The following SH3GL3 variants were observed in gnomAD, a reference collection of about 807,000 sequenced individuals.
SH3GL3 encodes SH3 domain containing GRB2 like 3, endophilin A3.
SH3GL3 carries 33 observed loss-of-function variants against 47.7 expected under a neutral mutation model. The ratio of observed to expected loss-of-function variants is 0.69; its 90% CI spans 0.52 to 0.92. The LOEUF (loss-of-function observed/expected upper bound fraction) is 0.92, where lower values mean the gene tolerates loss of function less well. Among genes scored for constraint, SH3GL3 ranks in the 40% least tolerant of loss-of-function variants. SH3GL3 has a pLI of 0.00. For synonymous variants in SH3GL3, 155 were observed against 148.8 expected (o/e 1.04, Z -0.30); for missense variants, 363 against 417.8 (o/e 0.87, Z 1.14).
chr15:83,510,996 G>T (rs761889482), intron 1 of SH3GL3, among the ~76,000 whole-genome samples: 23 of 151,552 alleles, frequency 1.5e-4, no homozygotes, highest in Non-Finnish European at 2.8e-4. Flanking sequence ...CTGTTGTGGG[G>T]TGGGGAGAGG....
intron 1 of SH3GL3, among the ~76,000 whole-genome samples, chr15:83,532,904 T>A (rs956158404): frequency 2.6e-5 from 4 of 152,198 alleles, no homozygotes; most frequent in African/African-American, 9.7e-5. Context: ...AATCCCCACC[T>A]GCAGCTAACT....
intron 1 of SH3GL3, among the ~76,000 whole-genome samples, chr15:83,532,505 T>A (rs1346364484): frequency 6.6e-6 from 1 of 152,162 alleles, no homozygotes; most frequent in Non-Finnish European, 1.5e-5. Context: ...GGACAGTAGA[T>A]TTAGAATGTC....
intron 1 of SH3GL3, among the ~76,000 whole-genome samples, chr15:83,482,273 C>G (rs1246718904): frequency 6.6e-6 from 1 of 151,924 alleles, no homozygotes; most frequent in Non-Finnish European, 1.5e-5. Context: ...TTAGCTGATC[C>G]TTTGTGGTTG....
chr15:83,483,792 G>T (rs1390720745), intron 1 of SH3GL3, among the ~76,000 whole-genome samples: 1 of 152,178 alleles, frequency 6.6e-6, no homozygotes, highest in East Asian at 1.9e-4. Context: ...ATGTCCTACT[G>T]TGTGTGCCAG....
chr15:83,633,239 A>G, the SH3GL3 span, among the ~76,000 whole-genome samples: 1 of 152,246 alleles, frequency 6.6e-6, no homozygotes, highest in African/African-American at 2.4e-5. Flanking sequence ...GAGAGAACAT[A>G]GTAAGAAATT....
chr15:83,511,284 A>G (rs954765149), intron 1 of SH3GL3, among the ~76,000 whole-genome samples: 6 of 152,186 alleles, frequency 3.9e-5, no homozygotes, highest in African/African-American at 1.4e-4. Context: ...GCAGGACTAC[A>G]GGCAGAAGTA....
chr15:83,577,279 G>A (rs2059708162), intron 6 of SH3GL3, among the ~76,000 whole-genome samples: 1 of 152,180 alleles, frequency 6.6e-6, no homozygotes, highest in Non-Finnish European at 1.5e-5. Flanking sequence ...TGGGCCACAT[G>A]TGGCTTGTGG....
At chr15:83,611,026 ATG>A (rs1397998501) in intron 8 of SH3GL3, among the ~76,000 whole-genome samples, 1 of 150,864 alleles carries the variant, frequency 6.6e-6, no homozygotes, top group African/African-American at 2.4e-5. Context: ...GTATAAATGT[ATG>A]TGTGTGTGTC....
At chr15:83,541,310 C>CAATTTTTTTTTTTTTTTTTTTTTTTT (rs1567318555) in intron 1 of SH3GL3, among the ~76,000 whole-genome samples, 1 of 47,750 alleles carries the variant, frequency 2.1e-5, no homozygotes, top group African/African-American at 6.5e-5. Flanking sequence ...TATGGTAATT[C>CAATTTTTTTTTTTTTTTTTTTTTTTT]TATTTTTTTT....
At position 83,488,590 on chromosome 15, in the gene SH3GL3, A is replaced by G. The variant is rs569458298; in HGVS notation, c.45+41012A>G. ...GACACACTTTACTTTCATGCGGGGG[A>G]AAACTCTCCTATCCTGAATTGGTTA... On this transcript the variant is annotated intron_variant, in intron 1 of 8. Transcript: ENST00000427482. Among the ~76,000 whole-genome samples the G allele has an allele frequency of 7.2e-5, 11 of 152,274 alleles. No homozygotes were observed. In the South Asian group the frequency reaches 2.3e-3, roughly 32 times the overall value.
chr15:83,542,886 A>G (rs893443783), intron 1 of SH3GL3, among the ~76,000 whole-genome samples: 1 of 152,092 alleles, frequency 6.6e-6, no homozygotes, highest in Non-Finnish European at 1.5e-5. Context: ...GATTTTTCCA[A>G]ATATAAGATC....
chr15:83,495,943 A>T (rs2042058418), intron 1 of SH3GL3, among the ~76,000 whole-genome samples: 1 of 151,724 alleles, frequency 6.6e-6, no homozygotes, highest in African/African-American at 2.4e-5. Context: ...TGCTCCCATG[A>T]TACATAGTCA....
At position 83,568,582 on chromosome 15, in the gene SH3GL3, G is replaced by A. The variant is rs764980950; in HGVS notation, c.241G>A (p.Val81Met). The A allele has an allele frequency of 8.7e-6, 14 of 1,613,478 alleles. No individual in the cohort carries two copies. The Admixed American group carries it at 2.0e-4, about 23-fold the overall frequency. ...LNTVSKIRGQ[V>M]KTTGYPQTEG... ...CACTGTGTCGAAGATCCGAGGGCAGGTGAAGACCACAGGATACCCGCAGAC... is the reference window on the plus strand; with the variant it reads ...CACTGTGTCGAAGATCCGAGGGCAGATGAAGACCACAGGATACCCGCAGAC... Residue 81 changes from valine to methionine, a missense_variant, in exon 4 of 9, where the codon GTG becomes ATG. Physicochemically the swap from Val to Met is conservative, Grantham distance 21. Transcript: ENST00000427482.
intron 1 of SH3GL3, among the ~76,000 whole-genome samples, chr15:83,473,769 G>C (rs1362433511): frequency 7.9e-5 from 12 of 151,220 alleles, no homozygotes; most frequent in Non-Finnish European, 1.5e-4. Context: ...GGATGGTCTC[G>C]ATCTCCTGAC....
intron 8 of SH3GL3, among the ~76,000 whole-genome samples, chr15:83,598,992 G>T (rs981201832): frequency 2.6e-5 from 4 of 152,134 alleles, no homozygotes; most frequent in African/African-American, 4.8e-5. Flanking sequence ...AGGATACTTA[G>T]GTACAATTCT....
chr15:83,588,108 CTTTTGTTTTG>C (rs199974305), intron 7 of SH3GL3, among the ~76,000 whole-genome samples: 3 of 152,064 alleles, frequency 2.0e-5, no homozygotes, highest in Non-Finnish European at 2.9e-5. Flanking sequence ...GAAAATTAGT[CTTTTGTTTTG>C]TTTTGTTTTG....
chr15:83,507,432 T>G (rs956432673), intron 1 of SH3GL3, among the ~76,000 whole-genome samples: 1 of 152,040 alleles, frequency 6.6e-6, no homozygotes, highest in Non-Finnish European at 1.5e-5. Flanking sequence ...TATTTTTTTT[T>G]TGAGAGAGAG....
At chr15:83,502,823 C>T (rs1425449778) in intron 1 of SH3GL3, among the ~76,000 whole-genome samples, 2 of 152,156 alleles carry the variant, frequency 1.3e-5, no homozygotes, top group African/African-American at 2.4e-5. Flanking sequence ...TTGTGTTTCT[C>T]CTGTTATGAC....
intron 3 of SH3GL3, among the ~76,000 whole-genome samples, chr15:83,566,462 G>A (rs2045552574): frequency 6.6e-6 from 1 of 151,826 alleles, no homozygotes; most frequent in African/African-American, 2.4e-5. Flanking sequence ...AATGCTTTGA[G>A]GATAAATGTG....
Sources: allele counts gnomAD v4.1 joint callset (sites outside exome capture counted in the v4.1 genomes callset), GRCh38; gene constraint gnomAD v4.1.1; transcripts MANE v1.5; gene names NCBI Gene and HGNC (gene_info 2026-07-23, HGNC 2026-07-21).